NPAS3: variants seen among roughly 807,000 people sequenced by gnomAD.
The protein encoded by NPAS3 is neuronal PAS domain-containing protein 3.
A neutral mutation model predicts 73.1 loss-of-function variants in NPAS3; 14 were observed. The ratio of observed to expected loss-of-function variants is 0.19; its 90% CI spans 0.13 to 0.30. NPAS3 has a LOEUF of 0.30. NPAS3 is among the 10% of genes least tolerant of loss of function. The pLI is 1.00. For synonymous variants in NPAS3, 620 were observed against 541.5 expected, an observed-to-expected ratio of 1.14 and a Z score of -2.01; for missense variants, 1,096 against 1,250.0, an observed-to-expected ratio of 0.88 and a Z score of 1.86.
intron 2 of NPAS3, among the ~76,000 whole-genome samples, chr14:33,118,304 G>A (rs1349339626): frequency 6.6e-6 from 1 of 151,734 alleles, no homozygotes; most frequent in Non-Finnish European, 1.5e-5. Flanking sequence ...ATACTTAAAA[G>A]GAAAAAAGGA....
chr14:33,324,671 T>A (rs1022774743), intron 3 of NPAS3, among the ~76,000 whole-genome samples: 3 of 152,224 alleles, frequency 2.0e-5, no homozygotes, highest in Non-Finnish European at 4.4e-5. Context: ...TTTTGATAGT[T>A]AATTATAGCT....
chr14:33,197,357 T>C (rs2046405095), intron 2 of NPAS3, among the ~76,000 whole-genome samples: 1 of 151,656 alleles, frequency 6.6e-6, no homozygotes, highest in Non-Finnish European at 1.5e-5. Context: ...ATGTGTCTCT[T>C]GCTCCCACCT....
At chr14:33,391,843 G>A (rs1413277348) in intron 4 of NPAS3, among the ~76,000 whole-genome samples, 1 of 152,128 alleles carries the variant, frequency 6.6e-6, no homozygotes, top group East Asian at 1.9e-4. Context: ...ACAGTAAAAG[G>A]TCTTAGATCA....
intron 3 of NPAS3, among the ~76,000 whole-genome samples, chr14:33,284,362 T>G (rs1378944737): frequency 1.3e-5 from 2 of 152,084 alleles, no homozygotes; most frequent in Non-Finnish European, 2.9e-5. Flanking sequence ...CTCTGCATAA[T>G]TTCTGCAAAC....
chr14:32,964,940 G>C (rs1595104846), intron 1 of NPAS3, among the ~76,000 whole-genome samples: 2 of 152,140 alleles, frequency 1.3e-5, no homozygotes, highest in African/African-American at 4.8e-5. Context: ...ACTGCACTCT[G>C]GCCTGGGTGA....
At position 33,203,845 on chromosome 14, in the gene NPAS3, G is replaced by T. The variant is rs1177520912; in HGVS notation, c.141-11337G>T. On this transcript the variant is annotated intron_variant, in intron 2 of 11. Transcript: ENST00000356141. ...TCCTTTGGGTATATAACCAGTAATG[G>T]GATGGCTGGGTCAAATGGTATTTCT... 2.0e-5 allele frequency among the ~76,000 whole-genome samples: 3 copies of T among 152,096 alleles called. No homozygotes were observed. In the East Asian group the frequency reaches 5.8e-4, roughly 29 times the overall value.
intron 2 of NPAS3, among the ~76,000 whole-genome samples, chr14:33,172,156 G>C (rs1183887315): frequency 6.6e-6 from 1 of 152,110 alleles, no homozygotes. Flanking sequence ...TTTGAAAGGT[G>C]GAATGAATTA....
chr14:33,100,273 C>T (rs2042544502), intron 2 of NPAS3, among the ~76,000 whole-genome samples: 1 of 152,098 alleles, frequency 6.6e-6, no homozygotes, highest in Non-Finnish European at 1.5e-5. Flanking sequence ...TATTAAGATA[C>T]AAAGTTGGGA....
chr14:33,484,197 C>T (rs967109010), intron 4 of NPAS3, among the ~76,000 whole-genome samples: 7 of 152,064 alleles, frequency 4.6e-5, no homozygotes, highest in South Asian at 2.1e-4. Flanking sequence ...TTATCATGGA[C>T]GGCAGGGTTG....
At chr14:33,591,582 T>G (rs2057068554) in intron 5 of NPAS3, among the ~76,000 whole-genome samples, 1 of 152,238 alleles carries the variant, frequency 6.6e-6, no homozygotes, top group African/African-American at 2.4e-5. Flanking sequence ...GGTAGTGTTC[T>G]AGGCCTTTCA....
chr14:33,089,941 C>T (rs1046678426), intron 2 of NPAS3, among the ~76,000 whole-genome samples: 1 of 152,134 alleles, frequency 6.6e-6, no homozygotes, highest in Non-Finnish European at 1.5e-5. Context: ...TACAGACAGG[C>T]AAATGCTGAG....
At chr14:33,432,369 A>C (rs1478806910) in intron 4 of NPAS3, among the ~76,000 whole-genome samples, 1 of 152,170 alleles carries the variant, frequency 6.6e-6, no homozygotes, top group Non-Finnish European at 1.5e-5. Context: ...TTTTGCTTGC[A>C]TTTCATAAGA....
At position 32,994,630 on chromosome 14, in the gene NPAS3, G is replaced by GTTTTTTTTTTTTT. The variant is rs777136450; in HGVS notation, c.50+55269_50+55270insTTTTTTTTTTTTT. 5.3e-4 allele frequency among the ~76,000 whole-genome samples: 66 copies of GTTTTTTTTTTTTT among 123,596 alleles called. 3 individuals carry two copies. The highest frequency in any genetic ancestry group is 8.0e-4 in the Admixed American group (10 of 12,474). The allele number at this position is 123,596 out of a possible 152,430, so 81.1% of individuals were successfully genotyped here. A position where few individuals can be genotyped will look rare whatever the true frequency, so the allele number is the denominator to read the frequency against. ...ATTCTAGTTTTTTGTTTGTTTGTTT[G>GTTTTTTTTTTTTT]TTTTTGTTTTTTTTTTTTTGAGACA... On this transcript the variant is annotated intron_variant, in intron 1 of 11. Transcript: ENST00000356141.
At chr14:33,101,001 A>G (rs1273476832) in intron 2 of NPAS3, among the ~76,000 whole-genome samples, 2 of 152,114 alleles carry the variant, frequency 1.3e-5, no homozygotes, top group Non-Finnish European at 2.9e-5. Context: ...ATTACATTTG[A>G]AGGGTCATCA....
chr14:33,377,227 C>G (rs1482485630), intron 4 of NPAS3, among the ~76,000 whole-genome samples: 1 of 152,178 alleles, frequency 6.6e-6, no homozygotes, highest in Non-Finnish European at 1.5e-5. Context: ...ATAATACTCT[C>G]ATTGGCAACT....
intron 3 of NPAS3, among the ~76,000 whole-genome samples, chr14:33,257,584 TGAA>T (rs1164663966): frequency 6.6e-6 from 1 of 152,212 alleles, no homozygotes; most frequent in Non-Finnish European, 1.5e-5. Context: ...TTTGTTCAAA[TGAA>T]GAAGAAAGTG....
chr14:33,225,444 G>A (rs983562413), intron 3 of NPAS3, among the ~76,000 whole-genome samples: 8 of 152,144 alleles, frequency 5.3e-5, no homozygotes, highest in African/African-American at 1.9e-4. Flanking sequence ...TAGTTATAGA[G>A]TTCTATAACA....
chr14:33,690,122 T>C (rs531095691), intron 6 of NPAS3, among the ~76,000 whole-genome samples: 3 of 152,334 alleles, frequency 2.0e-5, no homozygotes, highest in South Asian at 2.1e-4. Flanking sequence ...GAATTGGACA[T>C]TGGGTCTCCG....
chr14:33,151,542 C>T (rs772536440), intron 2 of NPAS3, among the ~76,000 whole-genome samples: 9 of 152,132 alleles, frequency 5.9e-5, no homozygotes, highest in Non-Finnish European at 1.3e-4. Context: ...GCCTTTTTAA[C>T]CTCATGATTT....
Sources: allele counts gnomAD v4.1 joint callset (sites outside exome capture counted in the v4.1 genomes callset), GRCh38; gene constraint gnomAD v4.1.1; transcripts MANE v1.5; gene names NCBI Gene and HGNC (gene_info 2026-07-23, HGNC 2026-07-21).